ASAH2: variants seen among roughly 807,000 people sequenced by gnomAD.
The protein encoded by ASAH2 is neutral ceramidase.
ASAH2 carries 58 observed loss-of-function variants against 82.9 expected under a neutral mutation model. The ratio of observed to expected loss-of-function variants is 0.70; its 90% CI spans 0.57 to 0.87. The LOEUF is 0.87. ASAH2 is among the 40% of genes least tolerant of loss of function. The probability of loss-of-function intolerance (pLI) is 0.00; values close to 1 mark genes in which losing one functional copy is unlikely to be tolerated. For missense variants in ASAH2, 779 were observed against 834.0 expected, an observed-to-expected ratio of 0.93 and a Z score of 0.81; for synonymous variants, 276 against 289.7, an observed-to-expected ratio of 0.95 and a Z score of 0.48.
At chr10:50,212,655 A>C (rs1845487457) in intron 10 of ASAH2, among the ~76,000 whole-genome samples, 1 of 152,178 alleles carries the variant, frequency 6.6e-6, no homozygotes, top group Non-Finnish European at 1.5e-5. Flanking sequence ...TAATGCCACA[A>C]GAAATTGAAA....
At chr10:50,212,598 C>T (rs1362127954) in intron 10 of ASAH2, among the ~76,000 whole-genome samples, 1 of 152,128 alleles carries the variant, frequency 6.6e-6, no homozygotes, top group Non-Finnish European at 1.5e-5. Context: ...TTTTGGCAAG[C>T]AAAGGCCTTA....
At chr10:50,216,744 C>T (rs2133211300) in intron 8 of ASAH2, among the ~76,000 whole-genome samples, 1 of 152,258 alleles carries the variant, frequency 6.6e-6, no homozygotes, top group Admixed American at 6.5e-5. Flanking sequence ...ACCATTCTAC[C>T]TTAAATGGCT....
At chr10:50,227,341 T>TGG (rs1226507226) in intron 7 of ASAH2, among the ~76,000 whole-genome samples, 140,637 of 152,190 alleles carry the variant, frequency 0.92, 66,002 homozygotes, top group East Asian at 1. Flanking sequence ...AGATACTTGT[T>TGG]TTTGCAGTGA....
chr10:50,221,785 G>C (rs1449824145), intron 7 of ASAH2, among the ~76,000 whole-genome samples: 1 of 152,208 alleles, frequency 6.6e-6, no homozygotes, highest in African/African-American at 2.4e-5. Flanking sequence ...TCCTGGTTCT[G>C]TCCCTTCTCT....
intron 8 of ASAH2, among the ~76,000 whole-genome samples, chr10:50,218,275 T>G (rs1438428020): frequency 1.3e-5 from 2 of 152,216 alleles, no homozygotes. Context: ...ACTAATAACT[T>G]TATGAAGCAA....
chr10:50,215,650 A>G (rs1450062878), intron 8 of ASAH2, among the ~76,000 whole-genome samples: 2 of 151,920 alleles, frequency 1.3e-5, no homozygotes, highest in African/African-American at 2.4e-5. Flanking sequence ...TTCTGTTCCA[A>G]TGGTCTATAT....
Position 50,218,549 on chromosome 10 carries a change from C to A in ASAH2, c.975G>T (p.Leu325=). Residue 325 remains leucine (L), a synonymous_variant, in exon 8 of 21, where the codon CTG becomes CTT. Transcript: ENST00000682911. ...ATCCTTTGTTCTTCTCTTGCTCAAGCAGGTAAGATGCATAGCCCACATTGT... is the reference window on the plus strand; with the variant it reads ...ATCCTTTGTTCTTCTCTTGCTCAAGAAGGTAAGATGCATAGCCCACATTGT... The part of the protein sequence containing the change: ...NSDNVGYASY[L]LEQEKNKGYL... 4.3e-6 allele frequency: 7 copies of A among 1,613,714 alleles called. No individual in the cohort carries two copies. In the South Asian group the frequency reaches 6.6e-5, roughly 15 times the overall value.
At chr10:50,210,773 C>G in intron 12 of ASAH2, 50 bp downstream of exon 12, 2 of 1,400,752 alleles carry the variant, frequency 1.4e-6, no homozygotes, top group Non-Finnish European at 2.0e-6. Flanking sequence ...AGAACAGAAC[C>G]CAGAAGCTTC....
In ASAH2 at chr10:50,184,866, T is replaced by C. The variant is rs1310434942; in HGVS notation, c.*2449A>G. 2 of 151,358 alleles carry C rather than the reference T, an allele frequency of 1.3e-5. No homozygotes were observed. The allele number at this position is 151,358 out of a possible 1,614,324, so 9.4% of individuals were successfully genotyped here. A position where few individuals can be genotyped will look rare whatever the true frequency, so the allele number is the denominator to read the frequency against. On this transcript the variant is annotated 3_prime_UTR_variant, in exon 21 of 21. Transcript: ENST00000682911. The stretch of plus-strand genomic sequence containing the variant: ...TACCTTTCATTAGACAATACTTTTA[T>C]GAGTGTAATTCTTAATTTATTATTA...
intron 12 of ASAH2, among the ~76,000 whole-genome samples, chr10:50,206,537 TACACACACACACACACACACAC>T (rs544968746): frequency 6.1e-5 from 8 of 130,736 alleles, no homozygotes; most frequent in Non-Finnish European, 1.3e-4. Flanking sequence ...TTTAGTTATC[TACACACACACACACACACACAC>T]ACACACACAC....
chr10:50,200,421 G>A (rs1409907625), intron 16 of ASAH2, among the ~76,000 whole-genome samples: 34 of 151,600 alleles, frequency 2.2e-4, no homozygotes, highest in African/African-American at 8.2e-4. Flanking sequence ...CAATGTGCCT[G>A]CCCTCTGGAC....
chr10:50,244,134 C>T (rs567687444), intron 3 of ASAH2, among the ~76,000 whole-genome samples: 1 of 152,262 alleles, frequency 6.6e-6, no homozygotes, highest in South Asian at 2.1e-4. Context: ...CACGCTGGAG[C>T]GGGACATATG....
intron 8 of ASAH2, among the ~76,000 whole-genome samples, chr10:50,215,685 C>T (rs1275187303): frequency 6.6e-6 from 1 of 152,056 alleles, no homozygotes; most frequent in Non-Finnish European, 1.5e-5. Context: ...CAGTACCATG[C>T]TGTTTTGGTT....
chr10:50,235,492 T>A (rs1846135283), intron 5 of ASAH2, among the ~76,000 whole-genome samples: 1 of 152,116 alleles, frequency 6.6e-6, no homozygotes, highest in African/African-American at 2.4e-5. Context: ...AGTTGGATTC[T>A]CTTTGTACTT....
In ASAH2 at chr10:50,245,257, C is replaced by A. The variant is rs1212264805; in HGVS notation, c.325G>T (p.Ala109Ser). 6.2e-7 allele frequency: 1 copy of A among 1,614,004 alleles called. No homozygotes were observed. Among genetic ancestry groups the A allele is most frequent in the African/African-American group, 1.3e-5 (1 of 74,910 alleles). The change falls in exon 3 of 21, where the codon GCT (alanine) becomes TCT (serine). Residue 109 changes from alanine to serine, a missense_variant. Transcript: ENST00000682911. ...TCTGCTACTTGTCCTGTGCAGTCAG[C>A]TCGTCCAACACCAATATGGTAGCCA... ...FSGYHIGVGRADCTGQVADIN... is the reference protein window; with the variant it reads ...FSGYHIGVGRSDCTGQVADIN...
Position 50,213,024 on chromosome 10 carries a change from T to A in ASAH2, c.1175A>T (p.Asp392Val). The A allele has an allele frequency of 6.2e-7, 1 of 1,613,764 alleles. No homozygotes were observed. ...TATAATTTGTGTGCTGTCAAACATATCCTGTCCAGGTCCCTTAGCAATGCA... is the reference window on the plus strand; with the variant it reads ...TATAATTTGTGTGCTGTCAAACATAACCTGTCCAGGTCCCTTAGCAATGCA... ...SMCIAKGPGQ[D>V]MFDSTQIIGR... Residue 392 changes from aspartate (D) to valine (V), a missense_variant, in exon 10 of 21, where the codon GAT (aspartate) becomes GTT (valine). Coordinates refer to ENST00000682911, the MANE Select transcript of ASAH2 (RefSeq NM_019893.4).
At chr10:50,221,523 CATT>C (rs1845742353) in intron 7 of ASAH2, among the ~76,000 whole-genome samples, 1 of 152,210 alleles carries the variant, frequency 6.6e-6, no homozygotes, top group Admixed American at 6.5e-5. Flanking sequence ...CAAGTACTAT[CATT>C]ATCTTCATTC....
At position 50,218,526 on chromosome 10, in the gene ASAH2, C is replaced by T. The variant is rs1269772733; in HGVS notation, c.998G>A (p.Gly333Glu). The change falls in exon 8 of 21, where the codon GGA becomes GAA. Residue 333 changes from glycine to glutamate, a missense_variant. Gly to Glu is a moderately conservative substitution (Grantham distance 98). This residue lies in a region of ASAH2 where 759 missense variants were observed against 755.2 expected (regional missense o/e 1.00). Transcript: ENST00000682911. ...AATTCTCACCTGTCCAGGTAGATAT[C>T]CTTTGTTCTTCTCTTGCTCAAGCAG... ...SYLLEQEKNK[G>E]YLPGQGPFVA... 1 of 1,613,618 alleles carries T rather than the reference C, an allele frequency of 6.2e-7. No individual in the cohort carries two copies. Among genetic ancestry groups the T allele is most frequent in the Non-Finnish European group, 8.5e-7 (1 of 1,179,726 alleles).
chr10:50,249,311 A>C (rs1846555456), intron 1 of ASAH2, among the ~76,000 whole-genome samples: 1 of 152,236 alleles, frequency 6.6e-6, no homozygotes, highest in African/African-American at 2.4e-5. Flanking sequence ...CCTGTATCAA[A>C]GGATGAGAAT....
Sources: allele counts gnomAD v4.1 joint callset (sites outside exome capture counted in the v4.1 genomes callset), GRCh38; gene constraint gnomAD v4.1.1; regional missense constraint gnomAD v4.1.1; transcripts MANE v1.5; gene names NCBI Gene and HGNC (gene_info 2026-07-23, HGNC 2026-07-21).